TOPAZ1: variants seen among roughly 807,000 people sequenced by gnomAD.
TOPAZ1 encodes protein TOPAZ1.
TOPAZ1 carries 66 observed loss-of-function variants against 172.2 expected under a neutral mutation model. The observed-to-expected ratio is 0.38, with a 90% CI of 0.31 to 0.47. The LOEUF (loss-of-function observed/expected upper bound fraction) is 0.47, where lower values mean the gene tolerates loss of function less well. TOPAZ1 is among the 20% of genes least tolerant of loss of function. The pLI is 0.99. For missense variants in TOPAZ1, 1,822 were observed against 1,972.4 expected (o/e 0.92, Z 1.44); for synonymous variants, 681 against 683.9 (o/e 1.00, Z 0.07).
At chr3:44,293,739 AAGTATAT>A (rs1700165331) in intron 12 of TOPAZ1, among the ~76,000 whole-genome samples, 1 of 152,158 alleles carries the variant, frequency 6.6e-6, no homozygotes, top group Non-Finnish European at 1.5e-5. Flanking sequence ...AGTGTAGCCT[AAGTATAT>A]AGTATTTGTA....
At chr3:44,253,657 C>A (rs999701622) in intron 2 of TOPAZ1, among the ~76,000 whole-genome samples, 2 of 152,150 alleles carry the variant, frequency 1.3e-5, no homozygotes, top group Non-Finnish European at 1.5e-5. Flanking sequence ...CTAGAAAGGT[C>A]CAGGTTAGAG....
At chr3:44,326,786 T>C (rs1032659830) in intron 18 of TOPAZ1, among the ~76,000 whole-genome samples, 2 of 152,208 alleles carry the variant, frequency 1.3e-5, no homozygotes, top group Non-Finnish European at 2.9e-5. Context: ...AGAGATGTTA[T>C]TAGTGTATCT....
chr3:44,318,214 G>A (rs372448083), intron 16 of TOPAZ1, among the ~76,000 whole-genome samples: 7 of 152,140 alleles, frequency 4.6e-5, no homozygotes, highest in African/African-American at 1.7e-4. Context: ...TTGGGAGGCC[G>A]AAGTGGGTGG....
At chr3:44,257,352 G>GTGTGTGT (rs1553645700) in intron 4 of TOPAZ1, among the ~76,000 whole-genome samples, 4 of 110,402 alleles carry the variant, frequency 3.6e-5, no homozygotes, top group African/African-American at 1.5e-4. Context: ...AAAACATAGG[G>GTGTGTGT]GTGTGTGTGT....
rs1353883255 is a variant in TOPAZ1 at position 44,243,531 on chromosome 3, A to G, written c.1025A>G (p.Glu342Gly). 4 of 1,551,508 alleles carry G rather than the reference A, an allele frequency of 2.6e-6. No homozygotes were observed. Among genetic ancestry groups the G allele is most frequent in the Non-Finnish European group, 3.5e-6 (4 of 1,146,956 alleles). Residue 342 changes from glutamate (E) to glycine (G), a missense_variant, in exon 2 of 20, where the codon GAA becomes GGA. Glu to Gly is a moderately conservative substitution (Grantham distance 98, BLOSUM62 -2). Transcript: ENST00000309765. The stretch of plus-strand genomic sequence containing the variant: ...ATGAAGTTGTCTGAAAAAGCAGATG[A>G]AACAGTTACTGAGATGAACTTCTCT... The part of the protein sequence containing the change: ...KRMKLSEKAD[E>G]TVTEMNFSNE...
chr3:44,264,444 A>G (rs1160626082), intron 5 of TOPAZ1, among the ~76,000 whole-genome samples: 1 of 152,246 alleles, frequency 6.6e-6, no homozygotes, highest in Non-Finnish European at 1.5e-5. Flanking sequence ...ACCTTCATTT[A>G]AAAATACTTT....
intron 2 of TOPAZ1, among the ~76,000 whole-genome samples, chr3:44,249,319 G>A (rs191513243): frequency 1.4e-3 from 218 of 152,184 alleles, no homozygotes; most frequent in Non-Finnish European, 2.6e-3. Context: ...TAGGAGTTTA[G>A]AAAAGAGAAG....
intron 19 of TOPAZ1, 79 bp from the exon 20 acceptor site, chr3:44,331,712 TA>T: frequency 9.1e-7 from 1 of 1,100,086 alleles, no homozygotes; most frequent in Non-Finnish European, 1.3e-6. Flanking sequence ...TTAGTACCAG[TA>T]AATGTAAATG....
chr3:44,336,083 ATAC>A (rs1700721511), downstream of TOPAZ1, among the ~76,000 whole-genome samples: 1 of 152,230 alleles, frequency 6.6e-6, no homozygotes, highest in Admixed American at 6.5e-5. Flanking sequence ...AGTTTGTTGA[ATAC>A]TAATACTGTA....
At chr3:44,282,103 A>G (rs1313531889) in intron 9 of TOPAZ1, 72 bp downstream of exon 9, 36 of 1,076,700 alleles carry the variant, frequency 3.3e-5, no homozygotes, top group Middle Eastern at 2.1e-4. Context: ...AGTAAATTCA[A>G]TAATTTGTAA....
chr3:44,277,697 A>G (rs1055120091), intron 8 of TOPAZ1, among the ~76,000 whole-genome samples: 1 of 152,110 alleles, frequency 6.6e-6, no homozygotes. Context: ...TGTTTGGGTG[A>G]TGGGGGTGGA....
At chr3:44,277,425 CAT>C (rs557408063) in intron 8 of TOPAZ1, among the ~76,000 whole-genome samples, 25 of 152,128 alleles carry the variant, frequency 1.6e-4, no homozygotes, top group Non-Finnish European at 3.2e-4. Flanking sequence ...AATATAAAAT[CAT>C]ATAATTAGCA....
At chr3:44,290,922 T>A in intron 12 of TOPAZ1, 36 bp downstream of exon 12, 1 of 1,336,576 alleles carries the variant, frequency 7.5e-7, no homozygotes, top group Non-Finnish European at 1.0e-6. Context: ...CCAAAATATA[T>A]GTGTCTTGGT....
At chr3:44,296,026 G>T (rs540275737) in intron 12 of TOPAZ1, among the ~76,000 whole-genome samples, 4 of 152,206 alleles carry the variant, frequency 2.6e-5, no homozygotes, top group African/African-American at 7.2e-5. Flanking sequence ...TACATTATTT[G>T]ACTGTAATGG....
intron 2 of TOPAZ1, among the ~76,000 whole-genome samples, chr3:44,246,553 T>A (rs1160779000): frequency 1.3e-5 from 2 of 152,132 alleles, no homozygotes; most frequent in Non-Finnish European, 2.9e-5. Context: ...GTTTTATTGA[T>A]TTTTTTAACC....
chr3:44,268,137 T>C (rs571974429), intron 6 of TOPAZ1, among the ~76,000 whole-genome samples: 1 of 152,276 alleles, frequency 6.6e-6, no homozygotes, highest in East Asian at 1.9e-4. Flanking sequence ...TGATGCCTGG[T>C]GTATTAGTTT....
At chr3:44,246,311 C>T (rs1699566287) in intron 2 of TOPAZ1, among the ~76,000 whole-genome samples, 1 of 152,080 alleles carries the variant, frequency 6.6e-6, no homozygotes, top group Non-Finnish European at 1.5e-5. Context: ...TTTATAATTC[C>T]TGAAGCCGTT....
chr3:44,250,859 C>T (rs1699622090), intron 2 of TOPAZ1, among the ~76,000 whole-genome samples: 2 of 152,080 alleles, frequency 1.3e-5, no homozygotes, highest in African/African-American at 4.8e-5. Flanking sequence ...CTGGAATAAA[C>T]AGTATTGTAC....
intron 12 of TOPAZ1, among the ~76,000 whole-genome samples, chr3:44,293,906 T>C (rs568608673): frequency 6.6e-6 from 1 of 152,322 alleles, no homozygotes; most frequent in South Asian, 2.1e-4. Flanking sequence ...ACCCTTATGA[T>C]GATTACACAA....
Sources: allele counts gnomAD v4.1 joint callset (sites outside exome capture counted in the v4.1 genomes callset), GRCh38; gene constraint gnomAD v4.1.1; transcripts MANE v1.5; gene names NCBI Gene and HGNC (gene_info 2026-07-23, HGNC 2026-07-21).